SPOPL: variants seen among roughly 807,000 people sequenced by gnomAD.
The protein encoded by SPOPL is speckle type BTB/POZ protein like, also known as speckle-type POZ protein-like.
SPOPL carries 23 observed loss-of-function variants against 53.8 expected under a neutral mutation model. The ratio of observed to expected loss-of-function variants is 0.43; its 90% confidence interval spans 0.31 to 0.61. The LOEUF (loss-of-function observed/expected upper bound fraction) is 0.61, where lower values mean the gene tolerates loss of function less well. Ranked by LOEUF, SPOPL falls within the 20% of genes least tolerant of loss-of-function variation. The pLI, the probability that SPOPL is intolerant of heterozygous loss-of-function variation, is 0.12. For missense variants in SPOPL, 442 were observed against 466.9 expected (o/e 0.95, Z 0.49); for synonymous variants, 164 against 149.7 (o/e 1.10, Z -0.70).
intron 8 of SPOPL, among the ~76,000 whole-genome samples, chr2:138,561,949 G>T (rs901999942): frequency 1.2e-4 from 18 of 151,526 alleles, no homozygotes; most frequent in Non-Finnish European, 2.6e-4. Flanking sequence ...GGATACCTTT[G>T]TAACAAACCT....
chr2:138,562,556 G>T (rs1573909501), intron 8 of SPOPL, among the ~76,000 whole-genome samples: 1 of 151,910 alleles, frequency 6.6e-6, no homozygotes, highest in East Asian at 1.9e-4. Context: ...AGGCCAAAGT[G>T]AACAGATCAC....
intron 1 of SPOPL, among the ~76,000 whole-genome samples, chr2:138,532,501 A>G (rs1389452843): frequency 7.6e-6 from 1 of 132,430 alleles, no homozygotes; most frequent in Non-Finnish European, 1.5e-5. Context: ...ATCTTGGCTC[A>G]CTGCAAGCTC....
At chr2:138,510,808 C>CA (rs374818963) in intron 1 of SPOPL, among the ~76,000 whole-genome samples, 11 of 151,768 alleles carry the variant, frequency 7.2e-5, no homozygotes, top group African/African-American at 1.5e-4. Context: ...TTTTATAAGA[C>CA]AAAAAAATGA....
At chr2:138,563,654 T>G (rs1356197941) in intron 8 of SPOPL, among the ~76,000 whole-genome samples, 1 of 152,320 alleles carries the variant, frequency 6.6e-6, no homozygotes, top group African/African-American at 2.4e-5. Flanking sequence ...AAATTAGGGC[T>G]CTCGTGTGCT....
chr2:138,512,786 G>C (rs989580004), intron 1 of SPOPL, among the ~76,000 whole-genome samples: 1 of 152,082 alleles, frequency 6.6e-6, no homozygotes, highest in African/African-American at 2.4e-5. Context: ...TTCACAAGTA[G>C]TTATTGACTG....
chr2:138,516,041 A>G (rs547746318), intron 1 of SPOPL, among the ~76,000 whole-genome samples: 1 of 152,282 alleles, frequency 6.6e-6, no homozygotes, highest in African/African-American at 2.4e-5. Flanking sequence ...TTTGATGGCA[A>G]TTAGCTAAAA....
At chr2:138,530,014 GCTATGTGTCCATGTGTTTC>G (rs754641477) in intron 1 of SPOPL, among the ~76,000 whole-genome samples, 45 of 152,150 alleles carry the variant, frequency 3.0e-4, no homozygotes, top group Non-Finnish European at 5.1e-4. Context: ...GTTGTTTCCT[GCTATGTGTCCATGTGTTTC>G]CATCTTTTAG....
chr2:138,558,016 T>G (rs1427235404), intron 5 of SPOPL, among the ~76,000 whole-genome samples: 1 of 151,984 alleles, frequency 6.6e-6, no homozygotes, highest in Non-Finnish European at 1.5e-5. Flanking sequence ...AAAAATTAGC[T>G]GGGTGTGGTG....
chr2:138,544,053 T>C (rs935641150), intron 1 of SPOPL, among the ~76,000 whole-genome samples: 54 of 152,192 alleles, frequency 3.5e-4, no homozygotes, highest in African/African-American at 1.3e-3. Flanking sequence ...CAGCGGATAT[T>C]GGTGAACAGC....
chr2:138,559,349 T>G lies in SPOPL; in HGVS notation c.714+12T>G, dbSNP rs1182127328. 1.2e-6 allele frequency: 2 copies of G among 1,603,018 alleles called. No homozygotes were observed. Among genetic ancestry groups the G allele is most frequent in the Non-Finnish European group, 8.5e-7 (1 of 1,175,194 alleles). On this transcript the variant is annotated intron_variant, in intron 7 of 10. Transcript: ENST00000280098. ...AAGAAAGCAAAAAGGTAAACATGGC[T>G]TAAAGGCTAATATTGAATTTATATA...
At chr2:138,513,136 T>A (rs1684363028) in intron 1 of SPOPL, among the ~76,000 whole-genome samples, 2 of 152,244 alleles carry the variant, frequency 1.3e-5, no homozygotes, top group Non-Finnish European at 1.5e-5. Flanking sequence ...TACAAATGTT[T>A]TGAGGCCATG....
At chr2:138,548,538 T>C (rs1685246726) in intron 1 of SPOPL, among the ~76,000 whole-genome samples, 1 of 151,992 alleles carries the variant, frequency 6.6e-6, no homozygotes, top group Non-Finnish European at 1.5e-5. Context: ...ACACTCTCAC[T>C]CATCTTTTGG....
At chr2:138,534,218 C>T (rs1684878554) in intron 1 of SPOPL, among the ~76,000 whole-genome samples, 1 of 152,152 alleles carries the variant, frequency 6.6e-6, no homozygotes, top group South Asian at 2.1e-4. Context: ...AGAGTTGACC[C>T]TCTGTATCCA....
intron 1 of SPOPL, among the ~76,000 whole-genome samples, chr2:138,543,833 T>C (rs1013066533): frequency 2.6e-5 from 4 of 152,176 alleles, no homozygotes; most frequent in African/African-American, 7.2e-5. Context: ...GTTTCCAGTT[T>C]TTCTGCTCTG....
At position 138,508,236 on chromosome 2, in the gene SPOPL, G is replaced by T. The variant is rs111345736; in HGVS notation, c.-61+6117G>T. ...ATGGATAAACTTTTTGAAGAATACTGTAGTTGGCAAAACCTTAATTGGCAA... is the reference window on the plus strand; with the variant it reads ...ATGGATAAACTTTTTGAAGAATACTTTAGTTGGCAAAACCTTAATTGGCAA... On this transcript the variant is annotated intron_variant, in intron 1 of 10. Transcript: ENST00000280098. Among the ~76,000 whole-genome samples, 968 of 152,310 alleles carry T rather than the reference G, an allele frequency of 6.4e-3. 5 individuals carry two copies. The highest frequency in any genetic ancestry group is 0.022 in the African/African-American group (926 of 41,560).
intron 1 of SPOPL, among the ~76,000 whole-genome samples, chr2:138,530,328 T>A (rs1042458923): frequency 5.3e-5 from 8 of 152,224 alleles, no homozygotes; most frequent in African/African-American, 1.9e-4. Context: ...GAATAATTTA[T>A]ATTCTTTTGG....
rs939484597 is a variant in SPOPL, at chr2:138,573,534, G to T, written c.*4454G>T. The T allele has an allele frequency of 1.3e-5, 2 of 152,074 alleles. No homozygotes were observed. The highest frequency in any genetic ancestry group is 4.8e-5 in the African/African-American group (2 of 41,414). 9.4% of individuals were successfully genotyped at this position (152,074 alleles called of 1,614,324 possible). A position where few individuals can be genotyped will look rare whatever the true frequency, so the allele number is the denominator to read the frequency against. On this transcript the variant is annotated 3_prime_UTR_variant, in exon 11 of 11. Coordinates refer to ENST00000280098, the MANE Select transcript of SPOPL (RefSeq NM_001001664.3). ...TCATTCCTATCCTGTCTTAATTTCA[G>T]TTATCCCAGACAATTTAATCATTTG...
At position 138,559,008 on chromosome 2, in the gene SPOPL, C is replaced by T; in HGVS notation, c.481-14C>T. ...TTTGTGAAAGTGTTTTTCTTGCTGT[C>T]CCTTTTTTATTAGGTGAGTGTGGTC... is the stretch of plus-strand genomic sequence containing the variant. On this transcript the variant is annotated splice_polypyrimidine_tract_variant and intron_variant, in intron 5 of 10. Transcript: ENST00000280098. 1.9e-6 allele frequency: 3 copies of T among 1,549,458 alleles called. No individual in the cohort carries two copies. The highest frequency in any genetic ancestry group is 2.5e-5 in the South Asian group (2 of 80,628).
chr2:138,541,106 A>G (rs943174512), intron 1 of SPOPL, among the ~76,000 whole-genome samples: 14 of 152,152 alleles, frequency 9.2e-5, no homozygotes, highest in Non-Finnish European at 4.4e-5. Flanking sequence ...CTTGTTCATC[A>G]TGGATACGCT....
Sources: gnomAD v4.1 joint callset for allele counts (sites outside exome capture counted in the v4.1 genomes callset) on GRCh38, gnomAD v4.1.1 for gene constraint, MANE v1.5 for transcripts, NCBI Gene and HGNC (gene_info 2026-07-23, HGNC 2026-07-21) for gene names.